Variants in PCDHA5 observed in about 807,000 individuals in gnomAD.
PCDHA5 encodes protocadherin alpha 5.
Under a neutral mutation model 61.6 loss-of-function variants are expected in PCDHA5, and 43 were observed. That is an observed-to-expected ratio of 0.70 (90% CI 0.55 to 0.90). The LOEUF (loss-of-function observed/expected upper bound fraction) is 0.90, where lower values mean the gene tolerates loss of function less well. Among genes scored for constraint, PCDHA5 ranks in the 40% least tolerant of loss-of-function variants. The pLI, the probability that PCDHA5 is intolerant of heterozygous loss-of-function variation, is 0.00. For missense variants in PCDHA5, 1,298 were observed against 1,222.7 expected (o/e 1.06, Z -0.92); for synonymous variants, 627 against 543.9 (o/e 1.15, Z -2.13).
At chr5:140,994,433 T>G (rs2097622592) in intron 3 of PCDHA5, among the ~76,000 whole-genome samples, 1 of 152,204 alleles carries the variant, frequency 6.6e-6, no homozygotes, top group African/African-American at 2.4e-5. Flanking sequence ...CCGGGCGCAG[T>G]GGCTCACACC....
chr5:140,884,457 G>A, intron 1 of PCDHA5: 1 of 1,613,758 alleles, frequency 6.2e-7, no homozygotes, highest in Non-Finnish European at 8.5e-7. Flanking sequence ...CCCACCGAGG[G>A]CGCGTGCGCG....
chr5:140,883,625 C>G (rs1446947181), intron 1 of PCDHA5: 9 of 1,613,872 alleles, frequency 5.6e-6, no homozygotes, highest in Non-Finnish European at 6.8e-6. Context: ...CGACAACGCG[C>G]CGGCGTTCGC....
At chr5:140,880,687 C>G (rs999356626) in intron 1 of PCDHA5, among the ~76,000 whole-genome samples, 1 of 152,130 alleles carries the variant, frequency 6.6e-6, no homozygotes, top group Non-Finnish European at 1.5e-5. Context: ...AGAGAATAGT[C>G]ATGGTTAAGT....
rs782673935 is a variant in PCDHA5 at position 140,857,328 on chromosome 5, G to A, written c.2352+33201G>A. ...GCCTATGAGCTGGTGGTGACCGCGC[G>A]GGACGGGGGCTCGCCTCCGCTGTGG... is the stretch of plus-strand genomic sequence containing the variant. On this transcript the variant is annotated intron_variant, in intron 1 of 3. Transcript: ENST00000529859. 7.5e-6 allele frequency: 12 copies of A among 1,598,502 alleles called. 1 individual carries two copies. The highest frequency in any genetic ancestry group is 1.3e-5 in the African/African-American group (1 of 74,410).
intron 1 of PCDHA5, among the ~76,000 whole-genome samples, chr5:140,885,025 T>A (rs2060432297): frequency 6.6e-6 from 1 of 152,228 alleles, no homozygotes; most frequent in Non-Finnish European, 1.5e-5. Context: ...ATCTTAAATT[T>A]AAAAAATTTT....
intron 1 of PCDHA5, among the ~76,000 whole-genome samples, chr5:140,896,969 CACAA>C (rs1554187153): frequency 2.0e-5 from 3 of 152,106 alleles, no homozygotes; most frequent in African/African-American, 7.2e-5. Context: ...TTATTCTTTG[CACAA>C]ACAAACCAGT....
chr5:140,916,068 C>G (rs928159450), intron 1 of PCDHA5, among the ~76,000 whole-genome samples: 1 of 152,166 alleles, frequency 6.6e-6, no homozygotes, highest in African/African-American at 2.4e-5. Context: ...TCCCTGTGGC[C>G]AGTACTACCA....
Position 140,856,078 on chromosome 5 carries a change from C to T in PCDHA5, c.2352+31951C>T, listed in dbSNP as rs145849392. On this transcript the variant is annotated intron_variant, in intron 1 of 3. Transcript: ENST00000529859. The stretch of plus-strand genomic sequence containing the variant: ...TTTCCAGATGTAGCTGCCTGGGGGT[C>T]CAGTGTCTGCTGCTCTCGCTTCTTC... 1.4e-3 allele frequency: 2,214 copies of T among 1,594,016 alleles called. 201 individuals are homozygous for T. The highest frequency in any genetic ancestry group is 4.0e-3 in the Admixed American group (234 of 58,882).
At position 140,851,650 on chromosome 5, in the gene PCDHA5, G is replaced by C. The variant is rs1324719591; in HGVS notation, c.2352+27523G>C. The C allele has an allele frequency of 4.4e-6, 4 of 912,450 alleles. No homozygotes were observed. The African/African-American group carries it at 7.2e-5, about 16-fold the overall frequency. 56.5% of individuals were successfully genotyped at this position (912,450 alleles called of 1,614,324 possible). ...AACAAGTGTTTCCTTTCTTCAAGAA[G>C]ACATTCTCCTTTTAATTGAAATTTT... On this transcript the variant is annotated intron_variant, in intron 1 of 3. Transcript: ENST00000529859.
intron 1 of PCDHA5, among the ~76,000 whole-genome samples, chr5:140,917,068 GAGTTTAATGTAAAGTTCCCC>G (rs1192645655): frequency 1.3e-5 from 2 of 152,066 alleles, no homozygotes; most frequent in Non-Finnish European, 2.9e-5. Context: ...CGACAGCACC[GAGTTTAATGTAAAGTTCCCC>G]AGTTGCTGTG....
At chr5:140,868,907 A>T in intron 1 of PCDHA5, 1 of 869,128 alleles carries the variant, frequency 1.2e-6, no homozygotes, top group Non-Finnish European at 1.7e-6. Flanking sequence ...GTCGCTCTTT[A>T]CTTGGTGGAA....
At chr5:140,889,387 C>G (rs1174974313) in intron 1 of PCDHA5, among the ~76,000 whole-genome samples, 1 of 151,966 alleles carries the variant, frequency 6.6e-6, no homozygotes, top group East Asian at 1.9e-4. Context: ...AAGGACCATT[C>G]AGAGTTTAAT....
chr5:140,828,242 G>A (rs1769642042), intron 1 of PCDHA5: 1 of 1,613,964 alleles, frequency 6.2e-7, no homozygotes, highest in Non-Finnish European at 8.5e-7. Flanking sequence ...GATCGCGCAG[G>A]ACCTGGGGCT....
At chr5:140,978,648 T>C (rs2096814311) in intron 1 of PCDHA5, among the ~76,000 whole-genome samples, 1 of 152,264 alleles carries the variant, frequency 6.6e-6, no homozygotes, top group African/African-American at 2.4e-5. Flanking sequence ...CAGACTGTTC[T>C]TCCCGTAGTG....
chr5:140,871,140 C>A, intron 1 of PCDHA5: 1 of 1,613,454 alleles, frequency 6.2e-7, no homozygotes, highest in Non-Finnish European at 8.5e-7. Context: ...AGGCCTCTTC[C>A]CGGACTTTGG....
intron 1 of PCDHA5, chr5:140,850,272 A>C: frequency 6.3e-7 from 1 of 1,594,726 alleles, no homozygotes; most frequent in Non-Finnish European, 8.6e-7. Context: ...AGTGGTGGGG[A>C]AGGTGCGCGC....
chr5:140,851,923 T>G, intron 1 of PCDHA5: 1 of 967,860 alleles, frequency 1.0e-6, no homozygotes, highest in Non-Finnish European at 1.2e-6. Flanking sequence ...CATGTTATGT[T>G]TCCTGAATTG....
rs143363926 is a variant in PCDHA5 at position 140,919,499 on chromosome 5, C to T, written c.2353-59450C>T. Among the ~76,000 whole-genome samples the T allele has an allele frequency of 1.8e-4, 27 of 152,124 alleles. No homozygotes were observed. In the East Asian group the frequency reaches 5.2e-3, roughly 29 times the overall value. ...TGGATTTATGTTTGTTATTTTACTCCTTTTTCTATATGTTTTAATTCTCTT... is the reference window on the plus strand; with the variant it reads ...TGGATTTATGTTTGTTATTTTACTCTTTTTTCTATATGTTTTAATTCTCTT... On this transcript the variant is annotated intron_variant, in intron 1 of 3. Coordinates refer to ENST00000529859, the MANE Select transcript of PCDHA5 (RefSeq NM_018908.3).
chr5:140,855,468 T>C (rs1160317208), intron 1 of PCDHA5, among the ~76,000 whole-genome samples: 1 of 149,888 alleles, frequency 6.7e-6, no homozygotes, highest in Non-Finnish European at 1.5e-5. Context: ...TCACAGATAG[T>C]TGATGCTTGA....
Sources: gnomAD v4.1 joint callset for allele counts (sites outside exome capture counted in the v4.1 genomes callset) on GRCh38, gnomAD v4.1.1 for gene constraint, MANE v1.5 for transcripts, NCBI Gene and HGNC (gene_info 2026-07-23, HGNC 2026-07-21) for gene names.